BMP6: variants seen among roughly 807,000 people sequenced by gnomAD.
BMP6 encodes the protein bone morphogenetic protein 6.
BMP6 carries 17 observed loss-of-function variants against 54.1 expected under a neutral mutation model. The observed-to-expected ratio is 0.31, with a 90% CI of 0.22 to 0.47. The LOEUF (loss-of-function observed/expected upper bound fraction) is 0.47, where lower values mean the gene tolerates loss of function less well. Among genes scored for constraint, BMP6 ranks in the 20% least tolerant of loss-of-function variants. The pLI is 1.00. For synonymous variants in BMP6, 328 were observed against 291.2 expected, an observed-to-expected ratio of 1.13 and a Z score of -1.28; for missense variants, 720 against 690.4, an observed-to-expected ratio of 1.04 and a Z score of -0.48.
At chr6:7,811,042 C>T (rs978843777) in intron 1 of BMP6, among the ~76,000 whole-genome samples, 6 of 152,188 alleles carry the variant, frequency 3.9e-5, no homozygotes, top group African/African-American at 1.4e-4. Context: ...AGGGCCCCCA[C>T]CATGGCCTGA....
chr6:7,775,188 C>T (rs932683638), intron 1 of BMP6, among the ~76,000 whole-genome samples: 2 of 152,148 alleles, frequency 1.3e-5, no homozygotes, highest in African/African-American at 4.8e-5. Context: ...CAAACCATAG[C>T]AGCTATATTG....
At chr6:7,729,799 TA>T (rs928328909) in intron 1 of BMP6, among the ~76,000 whole-genome samples, 1 of 152,122 alleles carries the variant, frequency 6.6e-6, no homozygotes, top group Non-Finnish European at 1.5e-5. Flanking sequence ...GGGAACGCCT[TA>T]AAAAAACCCA....
intron 1 of BMP6, among the ~76,000 whole-genome samples, chr6:7,834,031 A>T (rs1758832657): frequency 6.6e-6 from 1 of 152,160 alleles, no homozygotes. Flanking sequence ...GGTTTCTGTG[A>T]ATGCAAAGAC....
intron 2 of BMP6, among the ~76,000 whole-genome samples, chr6:7,849,893 G>A (rs1012814110): frequency 6.6e-6 from 1 of 152,140 alleles, no homozygotes; most frequent in Non-Finnish European, 1.5e-5. Flanking sequence ...TCTTCTCCAT[G>A]TTCTATCATG....
intron 1 of BMP6, among the ~76,000 whole-genome samples, chr6:7,775,570 TAGG>T (rs749439654): frequency 2.0e-5 from 3 of 152,242 alleles, no homozygotes; most frequent in Non-Finnish European, 2.9e-5. Flanking sequence ...GTGATTAAAA[TAGG>T]AGGAAGATGT....
intron 1 of BMP6, among the ~76,000 whole-genome samples, chr6:7,784,864 C>T (rs1451008275): frequency 6.6e-6 from 1 of 152,168 alleles, no homozygotes; most frequent in Non-Finnish European, 1.5e-5. Context: ...GTCACCTCCT[C>T]CTTGCTGGGG....
rs542176958 is a variant in BMP6 at position 7,810,204 on chromosome 6, A to G, written c.665-34936A>G. On this transcript the variant is annotated intron_variant, in intron 1 of 6. Transcript: ENST00000283147. ...GACATTTGCTCCAGGCCAATTGTTC[A>G]TCTTATCGATAAATACAAAATGATG... is the stretch of plus-strand genomic sequence containing the variant. Among the ~76,000 whole-genome samples, 167 of 152,344 alleles carry G rather than the reference A, an allele frequency of 1.1e-3. 4 individuals are homozygous for G. The South Asian group carries it at 0.033, about 30-fold the overall frequency.
At chr6:7,811,222 C>T (rs1010469595) in intron 1 of BMP6, among the ~76,000 whole-genome samples, 1 of 152,208 alleles carries the variant, frequency 6.6e-6, no homozygotes, top group African/African-American at 2.4e-5. Context: ...TGACACCTCT[C>T]AGCCTACATT....
At chr6:7,841,878 T>C (rs1402358823) in intron 1 of BMP6, among the ~76,000 whole-genome samples, 5 of 152,208 alleles carry the variant, frequency 3.3e-5, no homozygotes, top group African/African-American at 1.2e-4. Context: ...TATTTTACAT[T>C]GTAATAAAAG....
chr6:7,876,416 A>G (rs1239904404), intron 4 of BMP6, among the ~76,000 whole-genome samples: 2 of 152,206 alleles, frequency 1.3e-5, no homozygotes, highest in African/African-American at 4.8e-5. Flanking sequence ...ATTCCCAGTC[A>G]TTATGTCTTC....
intron 4 of BMP6, among the ~76,000 whole-genome samples, chr6:7,878,852 C>T (rs1386278205): frequency 6.6e-6 from 1 of 152,206 alleles, no homozygotes. Flanking sequence ...ATTCAAGTCA[C>T]CCTGCTCCCA....
chr6:7,794,532 CCAGGTTG>C (rs1758164212), intron 1 of BMP6, among the ~76,000 whole-genome samples: 1 of 149,952 alleles, frequency 6.7e-6, no homozygotes, highest in Non-Finnish European at 1.5e-5. Flanking sequence ...TCCAGGAGTT[CCAGGTTG>C]CAGTGAGTTG....
In BMP6 at chr6:7,805,884, C is replaced by A. The variant is rs891771574; in HGVS notation, c.665-39256C>A. On this transcript the variant is annotated intron_variant, in intron 1 of 6. Transcript: ENST00000283147. ...TCCCAGTGAGGCTTCCCACAGTAAG[C>A]GAGGTCATCATAGAAGGCACGTTTG... is the stretch of plus-strand genomic sequence containing the variant. 1.4e-4 allele frequency among the ~76,000 whole-genome samples: 21 copies of A among 152,222 alleles called. No individual in the cohort carries two copies. In the East Asian group the frequency reaches 2.1e-3, roughly 15 times the overall value.
chr6:7,776,773 C>T (rs566730715), intron 1 of BMP6, among the ~76,000 whole-genome samples: 6 of 152,304 alleles, frequency 3.9e-5, no homozygotes, highest in Admixed American at 3.9e-4. Context: ...ACGTCAGTGC[C>T]CCAACCAGCT....
At chr6:7,796,866 AATC>A (rs1758198553) in intron 1 of BMP6, among the ~76,000 whole-genome samples, 1 of 152,248 alleles carries the variant, frequency 6.6e-6, no homozygotes, top group South Asian at 2.1e-4. Flanking sequence ...TCTGTGAAAT[AATC>A]ATCTTATTCA....
intron 1 of BMP6, among the ~76,000 whole-genome samples, chr6:7,744,715 T>C (rs1757321664): frequency 6.6e-6 from 1 of 152,210 alleles, no homozygotes; most frequent in Non-Finnish European, 1.5e-5. Flanking sequence ...GCCCTGAGCA[T>C]GGGTGGTCCA....
chr6:7,868,117 A>G (rs1222097737), intron 4 of BMP6, among the ~76,000 whole-genome samples: 4 of 152,292 alleles, frequency 2.6e-5, no homozygotes, highest in East Asian at 1.9e-4. Flanking sequence ...ATCTTTGTCT[A>G]TTTGCAGGAC....
intron 1 of BMP6, among the ~76,000 whole-genome samples, chr6:7,739,181 C>T (rs1762005698): frequency 6.6e-6 from 1 of 151,966 alleles, no homozygotes; most frequent in Non-Finnish European, 1.5e-5. Context: ...TTGTGGTGAC[C>T]CTGTCAGCAT....
chr6:7,809,049 T>C (rs536619996), intron 1 of BMP6, among the ~76,000 whole-genome samples: 21 of 151,358 alleles, frequency 1.4e-4, no homozygotes, highest in Middle Eastern at 6.8e-3. Context: ...GGCTAATTTT[T>C]AAAAACATAG....
Sources: gnomAD v4.1 joint callset for allele counts (sites outside exome capture counted in the v4.1 genomes callset) on GRCh38, gnomAD v4.1.1 for gene constraint, MANE v1.5 for transcripts, NCBI Gene and HGNC (gene_info 2026-07-23, HGNC 2026-07-21) for gene names.